The following GLYATL1 variants were observed in gnomAD, a reference collection of about 807,000 sequenced individuals.
The protein encoded by GLYATL1 is glycine N-acyltransferase-like protein 1.
A neutral mutation model predicts 20.0 loss-of-function variants in GLYATL1; 15 were observed. That is an observed-to-expected ratio of 0.75 (90% CI 0.50 to 1.15). The LOEUF is 1.15. GLYATL1 is among the 50% of genes most tolerant of loss of function. The pLI is 0.00. For missense variants in GLYATL1, 380 were observed against 368.5 expected (o/e 1.03, Z -0.26); for synonymous variants, 151 against 131.5 (o/e 1.15, Z -1.01).
chr11:58,953,736 G>A (rs1380534806), intron 4 of GLYATL1, among the ~76,000 whole-genome samples: 1 of 152,022 alleles, frequency 6.6e-6, no homozygotes. Context: ...CCATATTCAG[G>A]AACTTGCATT....
intron 2 of GLYATL1, among the ~76,000 whole-genome samples, chr11:58,945,715 T>TG (rs1856521979): frequency 2.0e-5 from 3 of 151,610 alleles, no homozygotes; most frequent in African/African-American, 4.8e-5. Flanking sequence ...CACTTGGAGA[T>TG]GGGGGGAAGA....
chr11:58,907,371 G>T, exon 2 of GLYATL1: 1 of 456,236 alleles, frequency 2.2e-6, no homozygotes, highest in Non-Finnish European at 4.4e-6. Context: ...AATCCCTCAC[G>T]GTAGTCTGCT....
At chr11:58,913,190 G>A (rs1405563567), downstream of GLYATL1, among the ~76,000 whole-genome samples, 1 of 152,046 alleles carries the variant, frequency 6.6e-6, no homozygotes, top group East Asian at 1.9e-4. Flanking sequence ...AAGAGGGGAT[G>A]GGAAGATGCT....
intron 2 of GLYATL1, among the ~76,000 whole-genome samples, chr11:58,946,404 C>T (rs1026865212): frequency 2.0e-5 from 3 of 152,200 alleles, no homozygotes; most frequent in African/African-American, 7.2e-5. Context: ...AAGCTTTGAA[C>T]CTATCAGTTG....
At chr11:58,946,154 T>A (rs1249713240) in intron 2 of GLYATL1, among the ~76,000 whole-genome samples, 1 of 152,224 alleles carries the variant, frequency 6.6e-6, no homozygotes, top group Non-Finnish European at 1.5e-5. Context: ...AATCTCTATA[T>A]GACATGTTGA....
intron 2 of GLYATL1, among the ~76,000 whole-genome samples, chr11:58,946,156 A>T (rs1284263432): frequency 1.3e-5 from 2 of 152,164 alleles, no homozygotes; most frequent in Middle Eastern, 3.2e-3. Flanking sequence ...TCTCTATATG[A>T]CATGTTGATT....
intron 1 of GLYATL1, among the ~76,000 whole-genome samples, chr11:58,916,834 C>T (rs1855185164): frequency 6.6e-6 from 1 of 152,236 alleles, no homozygotes; most frequent in Non-Finnish European, 1.5e-5. Flanking sequence ...TGTGAAAGTA[C>T]ACTCCACAGA....
chr11:58,907,108 G>A, intron 1 of GLYATL1: 1 of 353,924 alleles, frequency 2.8e-6, no homozygotes, highest in Non-Finnish European at 5.6e-6. Context: ...CACCATAATA[G>A]TTTTAGGGTG....
At position 58,947,868 on chromosome 11, in the gene GLYATL1, C is replaced by T. The variant is rs1302926741; in HGVS notation, c.89C>T (p.Ser30Phe). 4 of 1,611,822 alleles carry T rather than the reference C, an allele frequency of 2.5e-6. No individual in the cohort carries two copies. The Admixed American group carries it at 5.0e-5, about 20-fold the overall frequency. Reference sequence around the variant, plus strand: ...TCATCCCTCCTTCAGGTGTATGGCTCTGTGTATCACATCAATCACGGGAAC... The same window carrying T: ...TCATCCCTCCTTCAGGTGTATGGCTTTGTGTATCACATCAATCACGGGAAC... The part of the protein sequence containing the change: ...SIPESLKVYG[S>F]VYHINHGNPF... Residue 30 changes from serine (S) to phenylalanine (F), a missense_variant, in exon 4 of 7, where the codon TCT (serine) becomes TTT (phenylalanine). Physicochemically the swap from Ser to Phe is radical, Grantham distance 155. Coordinates refer to ENST00000532726, the MANE Select transcript of GLYATL1 (RefSeq NM_001389712.2).
upstream of GLYATL1, among the ~76,000 whole-genome samples, chr11:58,937,287 G>T (rs1231648679): frequency 6.6e-6 from 1 of 152,216 alleles, no homozygotes; most frequent in Non-Finnish European, 1.5e-5. Context: ...TGAATTAAGA[G>T]TTAGGATGCT....
chr11:58,955,646 C>T lies in GLYATL1; in HGVS notation c.528C>T (p.Val176=), dbSNP rs1857352483. ...ACTTTAAGTATGCCCAGCTGGATGT[C>T]TCTTATTCTGGGCTGGTAAATGACA... ...TPNFKYAQLD[V]SYSGLVNDNW... is the part of the protein sequence containing the mutation. The change falls in exon 7 of 7, where the codon GTC becomes GTT. Residue 176 remains valine (V), a synonymous_variant. Coordinates refer to ENST00000532726, the MANE Select transcript of GLYATL1 (RefSeq NM_001389712.2). 6.2e-7 allele frequency: 1 copy of T among 1,614,118 alleles called. No individual in the cohort carries two copies. The highest frequency in any genetic ancestry group is 8.5e-7 in the Non-Finnish European group (1 of 1,180,014).
upstream of GLYATL1, among the ~76,000 whole-genome samples, chr11:58,937,408 C>T (rs539597211): frequency 8.2e-4 from 125 of 152,258 alleles, 2 homozygotes; most frequent in African/African-American, 1.9e-3. Context: ...AGTAAAGAAA[C>T]CTTCTTCCCT....
At chr11:58,947,345 T>C (rs1295290348) in intron 3 of GLYATL1, 180 bp downstream of exon 3, 18 of 817,172 alleles carry the variant, frequency 2.2e-5, no homozygotes, top group Non-Finnish European at 3.3e-5. Context: ...AAGAGGCAGC[T>C]AGGTCCACTC....
chr11:58,950,261 A>G (rs1191278346), intron 4 of GLYATL1, among the ~76,000 whole-genome samples: 1 of 151,722 alleles, frequency 6.6e-6, no homozygotes, highest in Non-Finnish European at 1.5e-5. Context: ...GCTGCACTCC[A>G]GCCTTGGGCG....
At chr11:58,935,163 T>A (rs1855771889), upstream of GLYATL1, 1 of 152,456 alleles carries the variant, frequency 6.6e-6, no homozygotes, top group Non-Finnish European at 1.5e-5. Context: ...GGCACTGGGG[T>A]AGACCTGGCA....
At chr11:58,932,993 A>T (rs1320605492) in intron 1 of GLYATL1, among the ~76,000 whole-genome samples, 1 of 152,196 alleles carries the variant, frequency 6.6e-6, no homozygotes, top group Non-Finnish European at 1.5e-5. Context: ...TGAATGTAGA[A>T]TATGTTTCAT....
chr11:58,919,216 C>G (rs1367109243), intron 1 of GLYATL1, among the ~76,000 whole-genome samples: 1 of 152,246 alleles, frequency 6.6e-6, no homozygotes, highest in Non-Finnish European at 1.5e-5. Context: ...GTTCTCCTAG[C>G]TCACAGAGAT....
intron 1 of GLYATL1, among the ~76,000 whole-genome samples, chr11:58,906,118 G>A (rs1172436885): frequency 6.6e-6 from 1 of 152,160 alleles, no homozygotes; most frequent in Non-Finnish European, 1.5e-5. Context: ...TCTTTGAGTG[G>A]TTTTTCTGGT....
Position 58,955,931 on chromosome 11 carries a change from A to G in GLYATL1, c.813A>G (p.Glu271=), listed in dbSNP as rs773425939. 6 of 1,614,228 alleles carry G rather than the reference A, an allele frequency of 3.7e-6. No individual in the cohort carries two copies. In the East Asian group the frequency reaches 1.3e-4, roughly 36 times the overall value. Residue 271 remains glutamate, a synonymous_variant, in exon 7 of 7, where the codon GAA becomes GAG. Transcript: ENST00000532726. ...ACATCTCTGTGTTGGAAGAAAATGA[A>G]GACTCCCGCAGATTTGTGGGGCAGT... ...PFYISVLEEN[E]DSRRFVGQFG...
Sources: gnomAD v4.1 joint callset for allele counts (sites outside exome capture counted in the v4.1 genomes callset) on GRCh38, gnomAD v4.1.1 for gene constraint, MANE v1.5 for transcripts, NCBI Gene and HGNC (gene_info 2026-07-23, HGNC 2026-07-21) for gene names.